Variants in CERS4 observed in about 807,000 individuals in gnomAD.
CERS4 encodes ceramide synthase 4.
In CERS4, 65 loss-of-function variants were observed where a neutral mutation model predicts 51.8. That is an observed-to-expected ratio of 1.26 (90% confidence interval 1.03 to 1.54). The LOEUF (loss-of-function observed/expected upper bound fraction) is 1.54. Among genes scored for constraint, CERS4 ranks in the 40% most tolerant of loss-of-function variants. CERS4 has a pLI of 0.00. For missense variants in CERS4, 563 were observed against 500.4 expected, an observed-to-expected ratio of 1.13 and a Z score of -1.19; for synonymous variants, 228 against 208.4, an observed-to-expected ratio of 1.09 and a Z score of -0.81.
At chr19:8,219,847 G>A (rs563328319) in intron 2 of CERS4, among the ~76,000 whole-genome samples, 1 of 151,804 alleles carries the variant, frequency 6.6e-6, no homozygotes, top group Non-Finnish European at 1.5e-5. Flanking sequence ...TGGGTATAGT[G>A]GCATGGGTGC....
intron 2 of CERS4, among the ~76,000 whole-genome samples, chr19:8,227,766 C>G (rs1380152567): frequency 6.6e-6 from 1 of 152,102 alleles, no homozygotes. Context: ...CATGAGGCCC[C>G]TAGCGTCACC....
intron 2 of CERS4, chr19:8,239,630 A>G (rs1488808519): frequency 6.6e-6 from 1 of 152,084 alleles, no homozygotes; most frequent in East Asian, 1.9e-4. Context: ...CCCCTTGCTG[A>G]CTGAGTGACC....
intron 2 of CERS4, among the ~76,000 whole-genome samples, chr19:8,248,649 T>G (rs10420795): frequency 0.44 from 66,746 of 150,040 alleles, 15,170 homozygotes; most frequent in South Asian, 0.57. Context: ...GATGAGTGGA[T>G]GGATGATGGG....
chr19:8,249,586 G>GCTTTT (rs1568528022), intron 2 of CERS4, among the ~76,000 whole-genome samples: 2 of 57,938 alleles, frequency 3.5e-5, no homozygotes, highest in African/African-American at 5.6e-5. Context: ...AGGAACTCTG[G>GCTTTT]ATTTTTTTTT....
chr19:8,248,619 G>A (rs1004830189), intron 2 of CERS4, among the ~76,000 whole-genome samples: 1 of 151,918 alleles, frequency 6.6e-6, no homozygotes, highest in Non-Finnish European at 1.5e-5. Context: ...ATGGATGATG[G>A]GCAGGTGGAC....
chr19:8,241,241 C>G (rs1252337033), intron 2 of CERS4: 1 of 152,286 alleles, frequency 6.6e-6, no homozygotes, highest in Admixed American at 6.6e-5. Context: ...TAGGCCAGCA[C>G]CCCTTCTTTC....
At chr19:8,234,072 C>T (rs1053081219) in intron 2 of CERS4, among the ~76,000 whole-genome samples, 10 of 151,558 alleles carry the variant, frequency 6.6e-5, no homozygotes, top group Admixed American at 4.0e-4. Flanking sequence ...TTTGGGAGGC[C>T]GAGGCGGGCG....
intron 10 of CERS4, among the ~76,000 whole-genome samples, chr19:8,258,549 A>C (rs1204588525): frequency 3.3e-5 from 5 of 151,978 alleles, no homozygotes. Context: ...TCTCTACTAA[A>C]AATACAAAAG....
intron 2 of CERS4, among the ~76,000 whole-genome samples, chr19:8,225,325 A>C (rs1414713347): frequency 6.6e-6 from 1 of 152,092 alleles, no homozygotes; most frequent in East Asian, 1.9e-4. Context: ...CTGATGGCCA[A>C]AAGCCAAAGG....
chr19:8,238,062 T>C (rs1167958147), intron 2 of CERS4, among the ~76,000 whole-genome samples: 1 of 152,014 alleles, frequency 6.6e-6, no homozygotes, highest in Non-Finnish European at 1.5e-5. Flanking sequence ...CCTGCTCCAC[T>C]ACTCCACCTC....
At chr19:8,257,367 T>TA (rs1255349407) in intron 9 of CERS4, among the ~76,000 whole-genome samples, 4 of 152,050 alleles carry the variant, frequency 2.6e-5, no homozygotes, top group Admixed American at 1.3e-4. Flanking sequence ...TCCTGGGAGA[T>TA]AAAGCCCTGC....
chr19:8,219,743 C>T (rs564329430), intron 2 of CERS4, among the ~76,000 whole-genome samples: 7 of 152,070 alleles, frequency 4.6e-5, no homozygotes, highest in African/African-American at 9.6e-5. Flanking sequence ...CGCTTGAACC[C>T]GGGAGGTGGA....
rs1467096613 is a variant in CERS4, at chr19:8,254,495, C to T, written c.174-4C>T. 13 of 1,613,246 alleles carry T rather than the reference C, an allele frequency of 8.1e-6. No homozygotes were observed. The highest frequency in any genetic ancestry group is 1.7e-5 in the Admixed American group (1 of 59,972). The stretch of plus-strand genomic sequence containing the variant: ...CTGATAGGCTCTGTCTCCTTTGCAC[C>T]CAGATTCATTGGCCTGCCCCTGAGC... On this transcript the variant is annotated splice_region_variant and splice_polypyrimidine_tract_variant and intron_variant, in intron 3 of 11. Coordinates refer to ENST00000251363, the MANE Select transcript of CERS4 (RefSeq NM_024552.3).
chr19:8,211,362 G>T (rs894480338), intron 2 of CERS4, among the ~76,000 whole-genome samples: 1 of 152,096 alleles, frequency 6.6e-6, no homozygotes, highest in Admixed American at 6.6e-5. Context: ...CTCCCTTTCC[G>T]ACTGGCTGGG....
Position 8,251,149 on chromosome 19 carries a change from C to T in CERS4, c.73C>T (p.Leu25=), listed in dbSNP as rs1421731926. Residue 25 remains leucine (L), a synonymous_variant, in exon 3 of 12, where the codon CTA becomes TTA. Coordinates refer to ENST00000251363, the MANE Select transcript of CERS4 (RefSeq NM_024552.3). The part of the protein sequence containing the change: ...WLPPNVTWTE[L]EDRDGRVYPH... ...ACCACCCAATGTCACGTGGACAGAG[C>T]TAGAAGACCGGGATGGCCGTGTCTA... 1 of 1,613,290 alleles carries T rather than the reference C, an allele frequency of 6.2e-7. No individual in the cohort carries two copies.
At chr19:8,238,243 C>T (rs192861106) in intron 2 of CERS4, among the ~76,000 whole-genome samples, 36 of 152,224 alleles carry the variant, frequency 2.4e-4, no homozygotes, top group Non-Finnish European at 4.9e-4. Context: ...TTGAATACTC[C>T]AACCTCCAGG....
chr19:8,256,751 G>A (rs768760437), intron 8 of CERS4, 41 bp downstream of exon 8: 66 of 1,595,124 alleles, frequency 4.1e-5, no homozygotes, highest in Admixed American at 1.2e-4. Flanking sequence ...GTCTCTGGCC[G>A]GGATGCTGGG....
chr19:8,256,426 A>C (rs1969385205), intron 7 of CERS4, 140 bp downstream of exon 7: 5 of 1,032,788 alleles, frequency 4.8e-6, no homozygotes, highest in Non-Finnish European at 6.8e-6. Flanking sequence ...CCTCTGGGGA[A>C]TAGAGAGGGG....
chr19:8,259,709 T>TG (rs2145338088), intron 10 of CERS4, among the ~76,000 whole-genome samples: 1 of 152,158 alleles, frequency 6.6e-6, no homozygotes, highest in African/African-American at 2.4e-5. Flanking sequence ...GAGGGGTCTG[T>TG]GGCCTCAGAG....
Sources: gnomAD v4.1 joint callset for allele counts (sites outside exome capture counted in the v4.1 genomes callset) on GRCh38, gnomAD v4.1.1 for gene constraint, MANE v1.5 for transcripts, NCBI Gene and HGNC (gene_info 2026-07-23, HGNC 2026-07-21) for gene names.